C8orf34: variants seen among roughly 807,000 people sequenced by gnomAD.
C8orf34 encodes the protein chromosome 8 open reading frame 34, also known as uncharacterized protein C8orf34.
In C8orf34, 65 loss-of-function variants were observed where a neutral mutation model predicts 68.3. That is an observed-to-expected ratio of 0.95 (90% CI 0.78 to 1.17). The LOEUF (loss-of-function observed/expected upper bound fraction) is 1.17, where lower values mean the gene tolerates loss of function less well. Ranked by LOEUF, C8orf34 falls within the 50% of genes most tolerant of loss-of-function variation. The pLI, the probability that C8orf34 is intolerant of heterozygous loss-of-function variation, is 0.00. For missense variants in C8orf34, 664 were observed against 655.4 expected (o/e 1.01, Z -0.14); for synonymous variants, 244 against 241.2 (o/e 1.01, Z -0.11).
At chr8:68,404,934 T>A in intron 1 of C8orf34, among the ~76,000 whole-genome samples, 1 of 152,158 alleles carries the variant, frequency 6.6e-6, no homozygotes, top group East Asian at 1.9e-4. Context: ...GGGGATAGCA[T>A]TGAATCTATA....
chr8:68,628,801 T>C (rs970864065), intron 7 of C8orf34, among the ~76,000 whole-genome samples: 1 of 152,224 alleles, frequency 6.6e-6, no homozygotes, highest in East Asian at 1.9e-4. Flanking sequence ...AATTATTTCA[T>C]GGATTACATT....
At chr8:68,691,498 T>G (rs1820684003) in intron 8 of C8orf34, among the ~76,000 whole-genome samples, 1 of 152,080 alleles carries the variant, frequency 6.6e-6, no homozygotes, top group Non-Finnish European at 1.5e-5. Context: ...ATATTCCTAT[T>G]AAACAAATGA....
chr8:68,654,956 T>C (rs1819470862), intron 8 of C8orf34, among the ~76,000 whole-genome samples: 1 of 152,186 alleles, frequency 6.6e-6, no homozygotes, highest in South Asian at 2.1e-4. Context: ...ATGCGTCAGC[T>C]ATAATACCTT....
intron 7 of C8orf34, among the ~76,000 whole-genome samples, chr8:68,543,533 C>T (rs1815768290): frequency 1.3e-5 from 2 of 152,026 alleles, no homozygotes; most frequent in Admixed American, 6.6e-5. Flanking sequence ...TATTACTTAA[C>T]AATCACAAAC....
At chr8:68,756,935 A>G (rs1822879122) in intron 10 of C8orf34, among the ~76,000 whole-genome samples, 1 of 152,202 alleles carries the variant, frequency 6.6e-6, no homozygotes, top group African/African-American at 2.4e-5. Context: ...AACACAGTTG[A>G]CAGATGGGTT....
intron 10 of C8orf34, among the ~76,000 whole-genome samples, chr8:68,741,160 C>T (rs529389459): frequency 4.6e-5 from 7 of 151,994 alleles, no homozygotes; most frequent in South Asian, 2.1e-4. Flanking sequence ...ATAACGTGTT[C>T]GACAAACCCC....
chr8:68,710,088 A>T (rs2130965142), intron 9 of C8orf34, among the ~76,000 whole-genome samples: 1 of 152,318 alleles, frequency 6.6e-6, no homozygotes, highest in East Asian at 1.9e-4. Context: ...AATATGCCCA[A>T]AGAAGCTCAG....
intron 12 of C8orf34, among the ~76,000 whole-genome samples, chr8:68,807,828 A>G (rs1370146376): frequency 6.6e-6 from 1 of 152,260 alleles, no homozygotes; most frequent in Non-Finnish European, 1.5e-5. Context: ...ATTAAATAAA[A>G]AAGAAAAAAG....
At chr8:68,709,453 C>T (rs984032775) in intron 9 of C8orf34, among the ~76,000 whole-genome samples, 4 of 152,254 alleles carry the variant, frequency 2.6e-5, no homozygotes, top group South Asian at 2.1e-4. Flanking sequence ...ACTTGCTATA[C>T]GTGCTGCTCC....
At chr8:68,464,729 G>A (rs1330632701) in intron 3 of C8orf34, among the ~76,000 whole-genome samples, 1 of 150,578 alleles carries the variant, frequency 6.6e-6, no homozygotes, top group Non-Finnish European at 1.5e-5. Context: ...AATGGTGCTG[G>A]GAAAACTGGC....
At chr8:68,448,474 G>A (rs1517118) in intron 3 of C8orf34, among the ~76,000 whole-genome samples, 100,024 of 151,950 alleles carry the variant, frequency 0.66, 33,092 homozygotes, top group African/African-American at 0.74. Flanking sequence ...ATCTCTGTAC[G>A]TAGATTGTGA....
At chr8:68,515,331 T>C (rs1814462478) in intron 5 of C8orf34, among the ~76,000 whole-genome samples, 1 of 151,796 alleles carries the variant, frequency 6.6e-6, no homozygotes, top group African/African-American at 2.4e-5. Context: ...CTCCAGCTGC[T>C]CTATGTAAAT....
At chr8:68,549,006 G>A (rs1449955453) in intron 7 of C8orf34, among the ~76,000 whole-genome samples, 4 of 151,662 alleles carry the variant, frequency 2.6e-5, no homozygotes, top group African/African-American at 7.2e-5. Context: ...ATAAGAGTGG[G>A]GTCCTAATCT....
chr8:68,625,453 C>T, intron 7 of C8orf34: 1 of 547,952 alleles, frequency 1.8e-6, no homozygotes, highest in African/African-American at 1.9e-5. Flanking sequence ...ACAGAGGCAA[C>T]TCTCCAAGAA....
chr8:68,638,956 T>A (rs920080136), intron 7 of C8orf34, among the ~76,000 whole-genome samples: 3 of 152,130 alleles, frequency 2.0e-5, no homozygotes, highest in Admixed American at 2.0e-4. Context: ...AATCACGGGT[T>A]CACTTCTTCT....
chr8:68,578,306 A>G (rs1816965956), intron 7 of C8orf34, among the ~76,000 whole-genome samples: 1 of 152,178 alleles, frequency 6.6e-6, no homozygotes, highest in Non-Finnish European at 1.5e-5. Flanking sequence ...GTTCATAATG[A>G]GGCTATAAGG....
chr8:68,499,919 G>T (rs1813693767), intron 5 of C8orf34, among the ~76,000 whole-genome samples: 1 of 152,182 alleles, frequency 6.6e-6, no homozygotes, highest in African/African-American at 2.4e-5. Context: ...CTCATGAATG[G>T]TTTAGCACCG....
intron 8 of C8orf34, among the ~76,000 whole-genome samples, chr8:68,668,439 C>A (rs1191254493): frequency 6.6e-6 from 1 of 152,130 alleles, no homozygotes; most frequent in East Asian, 1.9e-4. Context: ...CACAGGCTTT[C>A]CTTCAACTTC....
intron 11 of C8orf34, among the ~76,000 whole-genome samples, chr8:68,779,176 C>T (rs2129528705): frequency 7.3e-6 from 1 of 136,556 alleles, no homozygotes; most frequent in African/African-American, 2.9e-5. Context: ...GATCCTGTCT[C>T]TGAAACACAC....
Sources: allele counts gnomAD v4.1 joint callset (sites outside exome capture counted in the v4.1 genomes callset), GRCh38; gene constraint gnomAD v4.1.1; transcripts MANE v1.5; gene names NCBI Gene and HGNC (gene_info 2026-07-23, HGNC 2026-07-21).